RNF217: variants seen among roughly 807,000 people sequenced by gnomAD.
RNF217 encodes E3 ubiquitin-protein ligase RNF217.
RNF217 carries 31 observed loss-of-function variants against 57.8 expected under a neutral mutation model. That is an observed-to-expected ratio of 0.54 (90% confidence interval 0.40 to 0.72). RNF217 has a LOEUF of 0.72. Ranked by LOEUF, RNF217 falls within the 30% of genes least tolerant of loss-of-function variation. The pLI, the probability that RNF217 is intolerant of heterozygous loss-of-function variation, is 0.00. For missense variants in RNF217, 696 were observed against 708.3 expected (o/e 0.98, Z 0.20); for synonymous variants, 313 against 294.0 (o/e 1.06, Z -0.66).
At chr6:125,072,129 A>T (rs542692254) in intron 3 of RNF217, among the ~76,000 whole-genome samples, 20 of 152,216 alleles carry the variant, frequency 1.3e-4, no homozygotes, top group Non-Finnish European at 2.8e-4. Context: ...GAAATGTATT[A>T]TCCCCTGGTA....
intron 1 of RNF217, among the ~76,000 whole-genome samples, chr6:124,966,341 T>C (rs1383685870): frequency 1.3e-5 from 2 of 152,242 alleles, no homozygotes; most frequent in African/African-American, 4.8e-5. Flanking sequence ...CAACCTGTAA[T>C]AACCCACCAG....
At position 125,084,007 on chromosome 6, in the gene RNF217, AT is replaced by A. The variant is rs1355798084; in HGVS notation, c.*1076del. 1 of 152,074 alleles carries A rather than the reference AT, an allele frequency of 6.6e-6. No individual in the cohort carries two copies. Among genetic ancestry groups the A allele is most frequent in the Non-Finnish European group, 1.5e-5 (1 of 67,974 alleles). The allele number at this position is 152,074 out of a possible 1,614,324, so 9.4% of individuals were successfully genotyped here. On this transcript the variant is annotated 3_prime_UTR_variant, in exon 6 of 6. Coordinates refer to ENST00000521654, the MANE Select transcript of RNF217 (RefSeq NM_001286398.3). ...CCTTTAAAAAATTCCTATTCTGCTA[AT>A]TTTTTAACCAACTTGTAATTATAGA...
At chr6:125,050,449 T>C (rs953135055) in intron 2 of RNF217, among the ~76,000 whole-genome samples, 39 of 152,064 alleles carry the variant, frequency 2.6e-4, no homozygotes, top group African/African-American at 8.9e-4. Flanking sequence ...ACCTTATCTC[T>C]CTAGCTGTCT....
intron 1 of RNF217, chr6:124,996,791 A>G (rs1293052717): frequency 6.6e-6 from 1 of 152,260 alleles, no homozygotes; most frequent in Non-Finnish European, 1.5e-5. Flanking sequence ...GTTTTAAAAT[A>G]TAACATTCCT....
intron 1 of RNF217, among the ~76,000 whole-genome samples, chr6:125,036,353 T>C (rs1786615746): frequency 6.6e-6 from 1 of 152,218 alleles, no homozygotes; most frequent in African/African-American, 2.4e-5. Context: ...TGGTTCCAAG[T>C]CTTTGCTATT....
intron 3 of RNF217, among the ~76,000 whole-genome samples, chr6:125,070,784 A>G (rs1434899087): frequency 2.6e-5 from 4 of 152,198 alleles, no homozygotes; most frequent in African/African-American, 9.6e-5. Flanking sequence ...TGAAGGAAAC[A>G]CATATATAAA....
intron 1 of RNF217, among the ~76,000 whole-genome samples, chr6:125,043,842 C>T (rs149230532): frequency 6.6e-6 from 1 of 152,134 alleles, no homozygotes; most frequent in East Asian, 1.9e-4. Context: ...ACAGTAGTAG[C>T]ATAAAATTAT....
At chr6:124,975,669 T>G (rs1783929005) in intron 1 of RNF217, among the ~76,000 whole-genome samples, 1 of 152,186 alleles carries the variant, frequency 6.6e-6, no homozygotes, top group Non-Finnish European at 1.5e-5. Context: ...ACTCCTGGGC[T>G]CAAGCGATCT....
At chr6:124,999,053 A>T (rs183721954) in intron 1 of RNF217, among the ~76,000 whole-genome samples, 57 of 152,324 alleles carry the variant, frequency 3.7e-4, no homozygotes, top group Middle Eastern at 6.8e-3. Context: ...GATTTATAGC[A>T]GTATTTGACA....
chr6:125,046,486 C>A (rs1288620896), intron 2 of RNF217: 2 of 430,508 alleles, frequency 4.6e-6, no homozygotes, highest in South Asian at 3.4e-5. Flanking sequence ...CACCCCAGAA[C>A]AATTGTCTTC....
chr6:124,998,474 A>G lies in RNF217; in HGVS notation c.882+35048A>G, dbSNP rs556585955. Among the ~76,000 whole-genome samples, 343 of 152,278 alleles carry G rather than the reference A, an allele frequency of 2.3e-3. 1 individual carries two copies. The highest frequency in any genetic ancestry group is 7.6e-3 in the African/African-American group (315 of 41,548). On this transcript the variant is annotated intron_variant, in intron 1 of 5. Coordinates refer to ENST00000521654, the MANE Select transcript of RNF217 (RefSeq NM_001286398.3). ...GAATTTCTCTACCATTTTTCTATAT[A>G]CATTTTTTTAATATTGGTCATAACA...
chr6:125,067,611 A>G (rs979015518), intron 3 of RNF217, among the ~76,000 whole-genome samples: 2 of 152,150 alleles, frequency 1.3e-5, no homozygotes, highest in African/African-American at 4.8e-5. Context: ...ATGGAGACAG[A>G]GTTAGAGTTA....
intron 1 of RNF217, among the ~76,000 whole-genome samples, chr6:124,975,953 TC>T (rs200600117): frequency 0.021 from 3,254 of 152,308 alleles, 133 homozygotes; most frequent in African/African-American, 0.075. Context: ...TTATCATTTT[TC>T]TTCCTCAAGA....
At chr6:125,066,810 A>G (rs928902400) in intron 3 of RNF217, among the ~76,000 whole-genome samples, 2 of 152,348 alleles carry the variant, frequency 1.3e-5, no homozygotes, top group East Asian at 3.9e-4. Context: ...ATAGCACTAA[A>G]TAATAGATAA....
intron 3 of RNF217, among the ~76,000 whole-genome samples, chr6:125,060,443 GTTAT>G (rs921862670): frequency 3.3e-5 from 5 of 151,636 alleles, no homozygotes; most frequent in East Asian, 1.9e-4. Context: ...AGTAAATATT[GTTAT>G]TTATTTATTT....
chr6:125,058,073 G>A lies in RNF217; in HGVS notation c.1248G>A (p.Gly416=), dbSNP rs548525558. The A allele has an allele frequency of 1.9e-5, 31 of 1,613,308 alleles. No individual in the cohort carries two copies. The highest frequency in any genetic ancestry group is 2.5e-5 in the Non-Finnish European group (30 of 1,179,684). Reference sequence around the variant, plus strand: ...ACTGGGCCAGCGAAATTGAGCATGGGCAGAGGAATGCCCAGAAGTGTCCAA... The same window carrying A: ...ACTGGGCCAGCGAAATTGAGCATGGACAGAGGAATGCCCAGAAGTGTCCAA... ...LRHWASEIEH[G]QRNAQKCPKC... is the part of the protein sequence containing the mutation. The change falls in exon 3 of 6, where the codon GGG becomes GGA. Residue 416 remains glycine (G), a synonymous_variant. Transcript: ENST00000521654.
intron 1 of RNF217, among the ~76,000 whole-genome samples, chr6:124,987,024 G>C (rs939746573): frequency 1.3e-5 from 2 of 152,050 alleles, no homozygotes; most frequent in African/African-American, 4.8e-5. Context: ...CACACATACA[G>C]GTTTTGCCGA....
chr6:124,998,189 G>A (rs1318841892), intron 1 of RNF217, among the ~76,000 whole-genome samples: 4 of 151,934 alleles, frequency 2.6e-5, no homozygotes, highest in Non-Finnish European at 4.4e-5. Context: ...CATCATCTCC[G>A]TTACCTTATT....
chr6:124,990,232 T>C (rs1216312342), intron 1 of RNF217, among the ~76,000 whole-genome samples: 2 of 152,240 alleles, frequency 1.3e-5, no homozygotes, highest in African/African-American at 4.8e-5. Flanking sequence ...TTCTTAACTT[T>C]TGTTTTAACT....
Sources: gnomAD v4.1 joint callset for allele counts (sites outside exome capture counted in the v4.1 genomes callset) on GRCh38, gnomAD v4.1.1 for gene constraint, MANE v1.5 for transcripts, NCBI Gene and HGNC (gene_info 2026-07-23, HGNC 2026-07-21) for gene names.